Variants in SNED1 observed in about 807,000 individuals in gnomAD.
SNED1 encodes sushi, nidogen and EGF-like domain-containing protein 1.
In SNED1, 81 loss-of-function variants were observed where a neutral mutation model predicts 166.7. That is an observed-to-expected ratio of 0.49 (90% CI 0.41 to 0.58). SNED1 has a LOEUF of 0.58. SNED1 is among the 20% of genes least tolerant of loss of function. The pLI is 0.00. For missense variants in SNED1, 1,604 were observed against 2,000.2 expected, an observed-to-expected ratio of 0.80 and a Z score of 3.78; for synonymous variants, 762 against 822.0, an observed-to-expected ratio of 0.93 and a Z score of 1.25.
At chr2:241,071,324 C>T in intron 24 of SNED1, 1 of 579,144 alleles carries the variant, frequency 1.7e-6, no homozygotes. Flanking sequence ...CCTCATGACT[C>T]CCAGGCCAGT....
Position 241,064,726 on chromosome 2 carries a change from G to GC in SNED1, c.2600-112dup, listed in dbSNP as rs1262400792. On this transcript the variant is annotated intron_variant, in intron 19 of 31. Coordinates refer to ENST00000310397, the MANE Select transcript of SNED1 (RefSeq NM_001080437.3). The surrounding 1 kb of genome is among the most constrained non-coding windows in gnomAD (Gnocchi z 7.0). ...CGAAGGGAGGCAGTAGCTGTCCTGT[G>GC]CCCCCCGCCCCTCCACACCCACGCA... 2.9e-6 allele frequency: 2 copies of GC among 679,836 alleles called. No homozygotes were observed. Among genetic ancestry groups the GC allele is most frequent in the African/African-American group, 3.8e-5 (2 of 52,612 alleles). 42.1% of individuals were successfully genotyped at this position (679,836 alleles called of 1,614,324 possible). A position where few individuals can be genotyped will look rare whatever the true frequency, so the allele number is the denominator to read the frequency against.
intron 1 of SNED1, among the ~76,000 whole-genome samples, chr2:241,005,020 C>A (rs1181417941): frequency 6.6e-6 from 1 of 151,932 alleles, no homozygotes; most frequent in Non-Finnish European, 1.5e-5. Flanking sequence ...CATGCCTGGC[C>A]AATGTTTTTT....
chr2:241,052,196 T>TG, intron 14 of SNED1, 39 bp downstream of exon 14: 1 of 1,559,442 alleles, frequency 6.4e-7, no homozygotes, highest in South Asian at 1.1e-5. Flanking sequence ...CGGCCAGGGG[T>TG]GAACCCTCTC....
upstream of SNED1, among the ~76,000 whole-genome samples, chr2:240,998,583 CT>C: frequency 6.6e-6 from 1 of 152,070 alleles, no homozygotes; most frequent in East Asian, 1.9e-4. Context: ...GACCGCCGGG[CT>C]GGATATTTAA....
chr2:241,039,499 GT>G (rs2061462881), intron 6 of SNED1, among the ~76,000 whole-genome samples: 1 of 152,160 alleles, frequency 6.6e-6, no homozygotes, highest in Non-Finnish European at 1.5e-5. Flanking sequence ...TGTGGGCCAG[GT>G]GCTCTGGACT....
chr2:241,071,226 T>C (rs56052315), intron 24 of SNED1, among the ~76,000 whole-genome samples: 13,310 of 152,106 alleles, frequency 0.088, 726 homozygotes, highest in East Asian at 0.16. Flanking sequence ...GCACTGTGTC[T>C]CCAGGGCAGC....
chr2:241,068,767 C>A lies in SNED1; in HGVS notation c.3195-144C>A. On this transcript the variant is annotated intron_variant, in intron 22 of 31. Coordinates refer to ENST00000310397, the MANE Select transcript of SNED1 (RefSeq NM_001080437.3). This position sits in a 1 kb window ranked among gnomAD's most constrained non-coding sequence, Gnocchi z 5.3. ...CACGGCTCTGAGGGCCATGAGTCTG[C>A]CCCTCGTGGAGGTTGCCTGGGCCAC... The A allele has an allele frequency of 1.6e-6, 1 of 619,048 alleles. No homozygotes were observed. The allele number at this position is 619,048 out of a possible 1,614,324, so 38.3% of individuals were successfully genotyped here.
rs75376299 is a variant in SNED1, at chr2:241,014,974, T to C, written c.214-15310T>C. On this transcript the variant is annotated intron_variant, in intron 1 of 31. Transcript: ENST00000310397. ...GCTGTTCCCGGGCTCTCCCTCCTGCTTCTCTGTCCCTGAGCCAGGAGCGTT... is the reference window on the plus strand; with the variant it reads ...GCTGTTCCCGGGCTCTCCCTCCTGCCTCTCTGTCCCTGAGCCAGGAGCGTT... Among the ~76,000 whole-genome samples the C allele has an allele frequency of 1.1e-3, 164 of 152,332 alleles. 2 individuals are homozygous for C. In the East Asian group the frequency reaches 0.022, roughly 21 times the overall value.
chr2:241,069,177 C>T lies in SNED1; in HGVS notation c.3307+154C>T, dbSNP rs902179675. On this transcript the variant is annotated intron_variant, in intron 23 of 31. Transcript: ENST00000310397. The surrounding 1 kb of genome is among the most constrained non-coding windows in gnomAD (Gnocchi z 4.9). ...TGTCTCTTCCGCTGGGGCCACTGGGCAGGAGCCGCTGGGCTGGGCTGGGCC... is the reference window on the plus strand; with the variant it reads ...TGTCTCTTCCGCTGGGGCCACTGGGTAGGAGCCGCTGGGCTGGGCTGGGCC... 1.3e-5 allele frequency among the ~76,000 whole-genome samples: 2 copies of T among 152,228 alleles called. No individual in the cohort carries two copies.
chr2:241,055,503 A>G (rs2125130453), intron 16 of SNED1, among the ~76,000 whole-genome samples: 1 of 152,344 alleles, frequency 6.6e-6, no homozygotes, highest in Middle Eastern at 3.4e-3. Context: ...TAGGGTGTAG[A>G]CAGTCACAGA....
rs555031916 is a variant in SNED1 at position 241,048,807 on chromosome 2, T to G, written c.1504+41T>G. 6.7e-6 allele frequency: 10 copies of G among 1,496,448 alleles called. No homozygotes were observed. In the South Asian group the frequency reaches 1.1e-4, roughly 16 times the overall value. 92.7% of individuals were successfully genotyped at this position (1,496,448 alleles called of 1,614,324 possible). A position where few individuals can be genotyped will look rare whatever the true frequency, so the allele number is the denominator to read the frequency against. The stretch of plus-strand genomic sequence containing the variant: ...ACCCTTCCTGCCCTGTCCCTGAGCA[T>G]CCTCATAATCGGGAAATGAATGGTG... On this transcript the variant is annotated intron_variant, in intron 10 of 31. Transcript: ENST00000310397.
chr2:241,019,440 A>T (rs2060702801), intron 1 of SNED1, among the ~76,000 whole-genome samples: 1 of 152,216 alleles, frequency 6.6e-6, no homozygotes, highest in Non-Finnish European at 1.5e-5. Flanking sequence ...ATTGGACTGG[A>T]ACAGCAACAC....
chr2:241,058,671 C>T (rs1299981573), intron 16 of SNED1, among the ~76,000 whole-genome samples: 1 of 152,138 alleles, frequency 6.6e-6, no homozygotes, highest in Non-Finnish European at 1.5e-5. Flanking sequence ...TAAAATTGGG[C>T]CGGGCGCGGT....
At chr2:241,034,006 G>C in intron 3 of SNED1, 131 bp downstream of exon 3, 1 of 1,145,020 alleles carries the variant, frequency 8.7e-7, no homozygotes. Context: ...GCCAACGAGA[G>C]ACATCCACAA....
Position 241,085,490 on chromosome 2 carries a change from C to A in SNED1, c.4122-1902C>A, listed in dbSNP as rs114568105. Among the ~76,000 whole-genome samples, 990 of 152,234 alleles carry A rather than the reference C, an allele frequency of 6.5e-3. 10 individuals are homozygous for A. The highest frequency in any genetic ancestry group is 0.022 in the African/African-American group (893 of 41,530). On this transcript the variant is annotated intron_variant, in intron 29 of 31. Transcript: ENST00000310397. ...ATTATCTTTATATTTTCCTTTAGCT[C>A]ACTGAACATGTGGAACAAATTTATA...
At chr2:241,049,242 C>A in intron 11 of SNED1, 107 bp downstream of exon 11, 1 of 808,380 alleles carries the variant, frequency 1.2e-6, no homozygotes, top group Non-Finnish European at 2.0e-6. Flanking sequence ...TCCCTTCTGA[C>A]TCTCGGGAGA....
At chr2:241,087,084 C>T (rs1282039168) in intron 29 of SNED1, 4 of 289,690 alleles carry the variant, frequency 1.4e-5, no homozygotes, top group African/African-American at 2.2e-5. Flanking sequence ...CTGCCTCTAG[C>T]ACTGACATGT....
chr2:241,079,592 C>T (rs2063230852), intron 27 of SNED1, among the ~76,000 whole-genome samples: 3 of 152,034 alleles, frequency 2.0e-5, no homozygotes, highest in African/African-American at 7.3e-5. Context: ...ATCGGCGAGG[C>T]TTCTCTGAAT....
intron 4 of SNED1, among the ~76,000 whole-genome samples, chr2:241,035,880 TGGG>T (rs1432598771): frequency 2.0e-5 from 1 of 49,224 alleles, no homozygotes; most frequent in Non-Finnish European, 3.9e-5. Flanking sequence ...GTGTGGGAGG[TGGG>T]GGCGTGCCAT....
Sources: gnomAD v4.1 joint callset for allele counts (sites outside exome capture counted in the v4.1 genomes callset) on GRCh38, gnomAD v4.1.1 for gene constraint, Gnocchi (gnomAD v3.1) non-coding constraint, MANE v1.5 for transcripts, NCBI Gene and HGNC (gene_info 2026-07-23, HGNC 2026-07-21) for gene names.